PADI4: variants seen among roughly 807,000 people sequenced by gnomAD.
The protein encoded by PADI4 is protein-arginine deiminase type-4.
A neutral mutation model predicts 75.0 loss-of-function variants in PADI4; 62 were observed. That is an observed-to-expected ratio of 0.83 (90% confidence interval 0.67 to 1.02). PADI4 has a LOEUF of 1.02. Among genes scored for constraint, PADI4 ranks in the 50% least tolerant of loss-of-function variants. The pLI is 0.00. For synonymous variants in PADI4, 361 were observed against 348.1 expected (o/e 1.04, Z -0.41); for missense variants, 845 against 850.5 (o/e 0.99, Z 0.08).
rs2074764754 is a variant in PADI4 at position 17,356,596 on chromosome 1, A to G, written c.1558+137A>G. 8.1e-6 allele frequency: 5 copies of G among 619,758 alleles called. No individual in the cohort carries two copies. The highest frequency in any genetic ancestry group is 1.5e-5 in the Non-Finnish European group (5 of 339,930). 38.4% of individuals were successfully genotyped at this position (619,758 alleles called of 1,614,324 possible). On this transcript the variant is annotated intron_variant, in intron 13 of 15. Coordinates refer to ENST00000375448, the MANE Select transcript of PADI4 (RefSeq NM_012387.3). This position sits in a 1 kb window ranked among gnomAD's most constrained non-coding sequence, Gnocchi z 4.1. ...TGCGCCAGGCACTGTGCCAAGTGCT[A>G]GGGAGACTGCATGAACAGGGCAGAA...
chr1:17,336,123 C>T, intron 3 of PADI4, 36 bp from the exon 4 acceptor site: 1 of 1,527,202 alleles, frequency 6.5e-7, no homozygotes, highest in Non-Finnish European at 9.1e-7. Flanking sequence ...ACCCCGGACC[C>T]TCACCAACCT....
chr1:17,359,509 T>TTTGTAGCTTTGTAACTTGTAACTTGTAG, intron 15 of PADI4, 101 bp downstream of exon 15: 1 of 1,506,444 alleles, frequency 6.6e-7, no homozygotes, highest in African/African-American at 1.4e-5. Flanking sequence ...GCTTGGCTCC[T>TTTGTAGCTTTGTAACTTGTAACTTGTAG]CTCTGTAACC....
Position 17,324,146 on chromosome 1 carries a change from G to GTTTTT in PADI4, c.93-6819_93-6815dup, listed in dbSNP as rs71575827. Among the ~76,000 whole-genome samples, 9 of 113,890 alleles carry GTTTTT rather than the reference G, an allele frequency of 7.9e-5. 2 individuals are homozygous for GTTTTT. The highest frequency in any genetic ancestry group is 1.1e-4 in the Non-Finnish European group (6 of 54,804). 74.7% of individuals were successfully genotyped at this position (113,890 alleles called of 152,430 possible). On this transcript the variant is annotated intron_variant, in intron 1 of 15. Coordinates refer to ENST00000375448, the MANE Select transcript of PADI4 (RefSeq NM_012387.3). ...GGGCTGGCTAATAACACCAAGTTGG[G>GTTTTT]TTTTTTTTGTTTTTTTTTTTTTGCA... is the stretch of plus-strand genomic sequence containing the variant.
At chr1:17,354,415 G>T in intron 10 of PADI4, 118 bp from the exon 11 acceptor site, 1 of 834,470 alleles carries the variant, frequency 1.2e-6, no homozygotes, top group Non-Finnish European at 2.1e-6. Context: ...CTATGTGCCA[G>T]CTGTAGACGG....
rs748929537 is a variant in PADI4 at position 17,330,989 on chromosome 1, C to T, written c.113C>T (p.Thr38Met). 12 of 1,589,190 alleles carry T rather than the reference C, an allele frequency of 7.6e-6. No homozygotes were observed. Among genetic ancestry groups the T allele is most frequent in the African/African-American group, 5.4e-5 (4 of 73,414 alleles). The change falls in exon 2 of 16, where the codon ACG becomes ATG. Residue 38 changes from threonine to methionine, a missense_variant. Thr to Met is a moderately conservative substitution (Grantham distance 81). Transcript: ENST00000375448. ...DICSSAPEDC[T>M]SFSINASPGV... ...CACAGCTCTGCCCCTGAGGACTGCACGTCCTTCAGCATCAACGCCTCCCCA... is the reference window on the plus strand; with the variant it reads ...CACAGCTCTGCCCCTGAGGACTGCATGTCCTTCAGCATCAACGCCTCCCCA...
chr1:17,354,572 G>C lies in PADI4; in HGVS notation c.1195G>C (p.Gly399Arg), dbSNP rs760072358. The change falls in exon 11 of 16, where the codon GGG becomes CGG. Residue 399 changes from glycine (G) to arginine (R), a missense_variant. By Grantham distance (125) the Gly-to-Arg change is moderately radical. Coordinates refer to ENST00000375448, the MANE Select transcript of PADI4 (RefSeq NM_012387.3). ...CTATGTAACTCGAGGGCCCCAAACA[G>C]GGGGTATCAGTGGACTGGACTCCTT... ...FGYVTRGPQT[G>R]GISGLDSFGN... 4 of 1,614,164 alleles carry C rather than the reference G, an allele frequency of 2.5e-6. No individual in the cohort carries two copies. Among genetic ancestry groups the C allele is most frequent in the East Asian group, 4.5e-5 (2 of 44,882 alleles).
chr1:17,344,675 G>A (rs943737147), intron 8 of PADI4, among the ~76,000 whole-genome samples: 7 of 150,916 alleles, frequency 4.6e-5, no homozygotes, highest in African/African-American at 1.7e-4. Flanking sequence ...TTCAGAGGGT[G>A]GAAGCCCCAA....
intron 1 of PADI4, among the ~76,000 whole-genome samples, chr1:17,308,830 A>T (rs114921499): frequency 0.012 from 1,774 of 152,172 alleles, 39 homozygotes; most frequent in African/African-American, 0.041. Flanking sequence ...GCTAGCAAGG[A>T]GGCCTTGGGC....
At chr1:17,327,918 T>C (rs2074141826) in intron 1 of PADI4, among the ~76,000 whole-genome samples, 1 of 152,212 alleles carries the variant, frequency 6.6e-6, no homozygotes, top group African/African-American at 2.4e-5. Context: ...CCTTGCTTTT[T>C]TGGAAGGCAG....
At position 17,358,918 on chromosome 1, in the gene PADI4, T is replaced by G. The variant is rs1248514267; in HGVS notation, c.1629+10T>G. 1 of 1,584,544 alleles carries G rather than the reference T, an allele frequency of 6.3e-7. No individual in the cohort carries two copies. The highest frequency in any genetic ancestry group is 8.6e-7 in the Non-Finnish European group (1 of 1,157,074). ...TAATTCATTTGTGGAGGTAGGAGCC[T>G]GGGTGCCTACACCCCAGCAGACCTG... is the stretch of plus-strand genomic sequence containing the variant. On this transcript the variant is annotated intron_variant, in intron 14 of 15. Transcript: ENST00000375448.
intron 10 of PADI4, among the ~76,000 whole-genome samples, chr1:17,353,810 C>T (rs995634570): frequency 1.3e-5 from 2 of 152,094 alleles, no homozygotes; most frequent in Non-Finnish European, 2.9e-5. Flanking sequence ...CCAGCCAAGG[C>T]GGCTATTAGA....
chr1:17,342,148 G>A (rs769277385), intron 7 of PADI4, 27 bp downstream of exon 7: 96 of 1,605,244 alleles, frequency 6.0e-5, no homozygotes, highest in Non-Finnish European at 7.6e-5. Flanking sequence ...GCCCTGCATC[G>A]GGGGCCTGGG....
chr1:17,348,449 A>T (rs1293515017), intron 10 of PADI4, among the ~76,000 whole-genome samples: 1 of 151,978 alleles, frequency 6.6e-6, no homozygotes, highest in Admixed American at 6.6e-5. Context: ...TCCATCTGGG[A>T]TATGGGGGAT....
chr1:17,324,890 T>G (rs915593862), intron 1 of PADI4, among the ~76,000 whole-genome samples: 1 of 152,274 alleles, frequency 6.6e-6, no homozygotes, highest in Non-Finnish European at 1.5e-5. Context: ...TATGATATAG[T>G]CTCTACTACC....
intron 1 of PADI4, among the ~76,000 whole-genome samples, chr1:17,324,509 A>T (rs1338321998): frequency 6.6e-6 from 1 of 152,068 alleles, no homozygotes; most frequent in Non-Finnish European, 1.5e-5. Context: ...TTAATTTTTT[A>T]AAAAATAGAA....
At chr1:17,352,240 T>A (rs1296637526) in intron 10 of PADI4, among the ~76,000 whole-genome samples, 1 of 128,336 alleles carries the variant, frequency 7.8e-6, no homozygotes, top group African/African-American at 3.7e-5. Flanking sequence ...AGATGGGAGG[T>A]GGTAGCAGAG....
At position 17,338,137 on chromosome 1, in the gene PADI4, GA is replaced by G. The variant is rs754708492; in HGVS notation, c.510del (p.Val171CysfsTer12). 6.2e-7 allele frequency: 1 copy of G among 1,610,352 alleles called. No homozygotes were observed. Among genetic ancestry groups the G allele is most frequent in the Non-Finnish European group, 8.5e-7 (1 of 1,176,758 alleles). ...ESSAMDCEDD[E>X]VLDSEDLQDM... ...TTCTGCCATGGACTGCGAGGATGAT[GA>G]AGTGCTTGACAGCGAAGGTAAAGAG... On this transcript the variant is annotated frameshift_variant, in exon 5 of 16. Coordinates refer to ENST00000375448, the MANE Select transcript of PADI4 (RefSeq NM_012387.3). LOFTEE classifies it high-confidence loss of function.
chr1:17,309,574 A>G (rs1422645390), intron 1 of PADI4, among the ~76,000 whole-genome samples: 3 of 152,198 alleles, frequency 2.0e-5, no homozygotes, highest in African/African-American at 4.8e-5. Flanking sequence ...TTCCTAAATT[A>G]TCCTGCAACA....
chr1:17,329,523 A>G (rs1371483638), intron 1 of PADI4, among the ~76,000 whole-genome samples: 2 of 152,088 alleles, frequency 1.3e-5, no homozygotes, highest in Non-Finnish European at 2.9e-5. Context: ...GAGAAAATAT[A>G]TTTACTGTTC....
Sources: allele counts gnomAD v4.1 joint callset (sites outside exome capture counted in the v4.1 genomes callset), GRCh38; gene constraint gnomAD v4.1.1; non-coding constraint Gnocchi (gnomAD v3.1); transcripts MANE v1.5; gene names NCBI Gene and HGNC (gene_info 2026-07-23, HGNC 2026-07-21).